The following RIT2 variants were observed in gnomAD, a reference collection of about 807,000 sequenced individuals.
RIT2 encodes the protein Ras like without CAAX 2, also known as GTP-binding protein Rit2.
In RIT2, 24 loss-of-function variants were observed where a neutral mutation model predicts 23.7. The ratio of observed to expected loss-of-function variants is 1.01; its 90% CI spans 0.73 to 1.43. The LOEUF (loss-of-function observed/expected upper bound fraction) is 1.43. Among genes scored for constraint, RIT2 ranks in the 40% most tolerant of loss-of-function variants. RIT2 has a pLI of 0.00. For synonymous variants in RIT2, 107 were observed against 91.1 expected, an observed-to-expected ratio of 1.17 and a Z score of -0.99; for missense variants, 236 against 266.9, an observed-to-expected ratio of 0.88 and a Z score of 0.81.
intron 4 of RIT2, among the ~76,000 whole-genome samples, chr18:42,757,758 A>G (rs1480717565): frequency 6.6e-6 from 1 of 152,158 alleles, no homozygotes; most frequent in Non-Finnish European, 1.5e-5. Flanking sequence ...TAGTTCTTCA[A>G]ATCCTTCATT....
intron 2 of RIT2, among the ~76,000 whole-genome samples, chr18:42,978,981 A>G (rs894385596): frequency 6.6e-6 from 1 of 152,104 alleles, no homozygotes; most frequent in Non-Finnish European, 1.5e-5. Context: ...AACTCAAGGA[A>G]TATTATGTTA....
intron 2 of RIT2, among the ~76,000 whole-genome samples, chr18:43,001,484 G>A (rs1598744285): frequency 1.3e-5 from 2 of 151,896 alleles, no homozygotes; most frequent in South Asian, 2.1e-4. Flanking sequence ...CGACAAACAC[G>A]GGCTGTAGTC....
chr18:43,081,186 A>C (rs1598775247), intron 1 of RIT2, among the ~76,000 whole-genome samples: 2 of 152,188 alleles, frequency 1.3e-5, no homozygotes, highest in African/African-American at 4.8e-5. Flanking sequence ...AAAAGGCCTA[A>C]AAATATTTTA....
At chr18:42,982,153 A>G (rs1446997185) in intron 2 of RIT2, among the ~76,000 whole-genome samples, 2 of 152,150 alleles carry the variant, frequency 1.3e-5, no homozygotes, top group Admixed American at 1.3e-4. Context: ...AAGAAAGCCA[A>G]CTCTTAGTCG....
chr18:43,029,735 A>G (rs372356062), intron 2 of RIT2, among the ~76,000 whole-genome samples: 9 of 152,158 alleles, frequency 5.9e-5, no homozygotes, highest in African/African-American at 2.2e-4. Flanking sequence ...TTGTTAAGGA[A>G]ATAATATTGA....
At chr18:42,967,230 G>C (rs1910248979) in intron 3 of RIT2, among the ~76,000 whole-genome samples, 1 of 152,010 alleles carries the variant, frequency 6.6e-6, no homozygotes, top group East Asian at 1.9e-4. Context: ...TAAATACAGG[G>C]AAATACTAAC....
intron 4 of RIT2, among the ~76,000 whole-genome samples, chr18:42,885,941 T>C (rs1908011834): frequency 6.6e-6 from 1 of 152,220 alleles, no homozygotes; most frequent in African/African-American, 2.4e-5. Context: ...TCTGACATTA[T>C]CATGAAGGGG....
chr18:43,081,611 G>T (rs1913159616), intron 1 of RIT2, among the ~76,000 whole-genome samples: 1 of 152,066 alleles, frequency 6.6e-6, no homozygotes, highest in African/African-American at 2.4e-5. Context: ...TCACAGACAA[G>T]CAAACTAGGG....
At chr18:43,078,906 G>C (rs1913088967) in intron 1 of RIT2, among the ~76,000 whole-genome samples, 1 of 152,156 alleles carries the variant, frequency 6.6e-6, no homozygotes, top group Admixed American at 6.5e-5. Flanking sequence ...GCGGGAAAAG[G>C]AGCAGGGACA....
chr18:42,793,691 C>G (rs1022456978), intron 4 of RIT2, among the ~76,000 whole-genome samples: 1 of 151,772 alleles, frequency 6.6e-6, no homozygotes, highest in Non-Finnish European at 1.5e-5. Context: ...TAAAGAGAAC[C>G]CAAAGGGAAA....
At chr18:42,903,476 T>C (rs1019915697) in intron 4 of RIT2, among the ~76,000 whole-genome samples, 1 of 152,086 alleles carries the variant, frequency 6.6e-6, no homozygotes, top group Non-Finnish European at 1.5e-5. Context: ...TATGTATAGA[T>C]ACAGTATAAA....
At position 42,897,102 on chromosome 18, in the gene RIT2, AC is replaced by A. The variant is rs543619410; in HGVS notation, c.426+26469del. Among the ~76,000 whole-genome samples, 77 of 152,320 alleles carry A rather than the reference AC, an allele frequency of 5.1e-4. No individual in the cohort carries two copies. The East Asian group carries it at 0.015, about 29-fold the overall frequency. On this transcript the variant is annotated intron_variant, in intron 4 of 4. Coordinates refer to ENST00000326695, the MANE Select transcript of RIT2 (RefSeq NM_002930.4). The stretch of plus-strand genomic sequence containing the variant: ...ATAATCACAGCAAGGTTCTACAGGT[AC>A]TACACAGTCATTGGAAGAAAGCAAT...
chr18:43,021,953 G>A (rs1438159050), intron 2 of RIT2, among the ~76,000 whole-genome samples: 1 of 152,086 alleles, frequency 6.6e-6, no homozygotes, highest in Non-Finnish European at 1.5e-5. Flanking sequence ...TTTCGCCATT[G>A]GGAATTTATC....
chr18:43,104,201 A>G (rs936221412), intron 1 of RIT2, among the ~76,000 whole-genome samples: 1 of 152,208 alleles, frequency 6.6e-6, no homozygotes, highest in East Asian at 1.9e-4. Flanking sequence ...GATAAATACC[A>G]AAAGTTCTCA....
At chr18:42,819,018 C>T (rs1040662085) in intron 4 of RIT2, among the ~76,000 whole-genome samples, 2 of 151,830 alleles carry the variant, frequency 1.3e-5, no homozygotes, top group African/African-American at 4.8e-5. Context: ...GATGACAGGT[C>T]AATGCTATAT....
Position 42,840,818 on chromosome 18 carries a change from A to C in RIT2, c.426+82754T>G, listed in dbSNP as rs569719311. On this transcript the variant is annotated intron_variant, in intron 4 of 4. Transcript: ENST00000326695. Reference sequence around the variant, plus strand: ...GCCCAGCTGCTTTTAATTTCACAATATTCTGAAGTAGATATCATTCCTAAA... The same window carrying C: ...GCCCAGCTGCTTTTAATTTCACAATCTTCTGAAGTAGATATCATTCCTAAA... Among the ~76,000 whole-genome samples, 4 of 152,312 alleles carry C rather than the reference A, an allele frequency of 2.6e-5. No homozygotes were observed. The East Asian group carries it at 7.7e-4, about 29-fold the overall frequency.
At chr18:42,763,752 A>G (rs1400110650) in intron 4 of RIT2, among the ~76,000 whole-genome samples, 1 of 152,208 alleles carries the variant, frequency 6.6e-6, no homozygotes, top group Non-Finnish European at 1.5e-5. Flanking sequence ...AACTTAGGTC[A>G]AAACACAAAC....
chr18:42,990,766 C>T (rs960964615), intron 2 of RIT2, among the ~76,000 whole-genome samples: 34 of 150,770 alleles, frequency 2.3e-4, no homozygotes, highest in Non-Finnish European at 7.4e-5. Flanking sequence ...GCACAACACA[C>T]TGTGAAGTAT....
At chr18:42,746,181 A>G (rs1274370592) in intron 4 of RIT2, among the ~76,000 whole-genome samples, 2 of 152,072 alleles carry the variant, frequency 1.3e-5, no homozygotes, top group African/African-American at 2.4e-5. Context: ...TATTTTATCT[A>G]TATCCCAAAT....
Sources: gnomAD v4.1 joint callset for allele counts (sites outside exome capture counted in the v4.1 genomes callset) on GRCh38, gnomAD v4.1.1 for gene constraint, MANE v1.5 for transcripts, NCBI Gene and HGNC (gene_info 2026-07-23, HGNC 2026-07-21) for gene names.